KIF13B: variants seen among roughly 807,000 people sequenced by gnomAD.
KIF13B encodes kinesin family member 13B.
In KIF13B, 127 loss-of-function variants were observed where a neutral mutation model predicts 222.0. The ratio of observed to expected loss-of-function variants is 0.57; its 90% CI spans 0.50 to 0.66. The LOEUF (loss-of-function observed/expected upper bound fraction) is 0.66. Among genes scored for constraint, KIF13B ranks in the 30% least tolerant of loss-of-function variants. The pLI is 0.00. For missense variants in KIF13B, 2,173 were observed against 2,379.0 expected (o/e 0.91, Z 1.80); for synonymous variants, 976 against 919.0 (o/e 1.06, Z -1.12).
intron 17 of KIF13B, 115 bp from the exon 18 acceptor site, chr8:29,146,655 G>T: frequency 1.1e-6 from 1 of 911,772 alleles, no homozygotes; most frequent in Non-Finnish European, 1.7e-6. Flanking sequence ...AGCTTTTTCC[G>T]TGGTCGTCTG....
chr8:29,194,564 C>A (rs1181951072), intron 3 of KIF13B, among the ~76,000 whole-genome samples: 1 of 152,174 alleles, frequency 6.6e-6, no homozygotes, highest in Non-Finnish European at 1.5e-5. Flanking sequence ...TATGAAAGTG[C>A]CACAGCCTGG....
At chr8:29,117,398 G>C (rs947352147) in intron 30 of KIF13B, among the ~76,000 whole-genome samples, 1 of 152,130 alleles carries the variant, frequency 6.6e-6, no homozygotes, top group African/African-American at 2.4e-5. Flanking sequence ...CCACTTTCAA[G>C]TAAGTTGAAA....
At chr8:29,163,284 A>G (rs1811859826) in intron 12 of KIF13B, among the ~76,000 whole-genome samples, 1 of 152,204 alleles carries the variant, frequency 6.6e-6, no homozygotes, top group Non-Finnish European at 1.5e-5. Context: ...CAATTAAACA[A>G]TGGTGAAGTA....
Position 29,156,679 on chromosome 8 carries a change from A to AT in KIF13B, c.1405-824dup, listed in dbSNP as rs570502495. Among the ~76,000 whole-genome samples, 128 of 144,910 alleles carry AT rather than the reference A, an allele frequency of 8.8e-4. 1 individual carries two copies. The highest frequency in any genetic ancestry group is 3.8e-3 in the East Asian group (18 of 4,798). Reference sequence around the variant, plus strand: ...AGGCAGGCACCACCTTGACCAACTAATTTTTTTTTTTTTTTTTTTTTTGTA... The same window carrying AT: ...AGGCAGGCACCACCTTGACCAACTAATTTTTTTTTTTTTTTTTTTTTTTGTA... On this transcript the variant is annotated intron_variant, in intron 13 of 39. Transcript: ENST00000524189.
chr8:29,237,607 G>A (rs913241181), intron 2 of KIF13B, among the ~76,000 whole-genome samples: 2 of 152,040 alleles, frequency 1.3e-5, no homozygotes, highest in African/African-American at 4.8e-5. Flanking sequence ...AAAAGCATGA[G>A]CAAAATAATA....
At chr8:29,149,480 CACA>C (rs948161196) in intron 15 of KIF13B, among the ~76,000 whole-genome samples, 2 of 152,168 alleles carry the variant, frequency 1.3e-5, no homozygotes, top group Non-Finnish European at 2.9e-5. Context: ...GCCTTGTCAA[CACA>C]ACATCAATTT....
At chr8:29,194,636 T>A (rs988776554) in intron 3 of KIF13B, among the ~76,000 whole-genome samples, 6 of 152,316 alleles carry the variant, frequency 3.9e-5, no homozygotes, top group Non-Finnish European at 8.8e-5. Flanking sequence ...ATGGTCCTCT[T>A]TAAGGCTTAG....
At chr8:29,084,597 T>C (rs1049658312) in intron 37 of KIF13B, among the ~76,000 whole-genome samples, 1 of 152,204 alleles carries the variant, frequency 6.6e-6, no homozygotes, top group Non-Finnish European at 1.5e-5. Context: ...TGACTGTGCT[T>C]TTGATAGTGG....
At chr8:29,153,672 A>T (rs949054894) in intron 14 of KIF13B, among the ~76,000 whole-genome samples, 3 of 123,414 alleles carry the variant, frequency 2.4e-5, no homozygotes, top group Non-Finnish European at 5.3e-5. Flanking sequence ...AGGCCTCTTA[A>T]CTCCTGCCAA....
At chr8:29,188,394 A>G (rs1392181058) in intron 5 of KIF13B, 121 bp downstream of exon 5, 3 of 590,692 alleles carry the variant, frequency 5.1e-6, no homozygotes, top group Admixed American at 6.5e-5. Flanking sequence ...CAACATCTAC[A>G]GTACTTTCTG....
chr8:29,150,641 G>A (rs1449254257), intron 14 of KIF13B, among the ~76,000 whole-genome samples: 3 of 151,976 alleles, frequency 2.0e-5, no homozygotes, highest in East Asian at 1.9e-4. Context: ...TTTTACAAAC[G>A]CTATCCTATG....
chr8:29,164,851 G>GT (rs754177287), intron 12 of KIF13B, among the ~76,000 whole-genome samples: 412 of 140,164 alleles, frequency 2.9e-3, no homozygotes, highest in African/African-American at 5.1e-3. Flanking sequence ...ACCCTAACGT[G>GT]TTTTTTTTTT....
At chr8:29,156,511 T>C (rs1399582893) in intron 13 of KIF13B, among the ~76,000 whole-genome samples, 1 of 151,858 alleles carries the variant, frequency 6.6e-6, no homozygotes. Context: ...GTCACTTATT[T>C]TTTATTTATT....
intron 2 of KIF13B, among the ~76,000 whole-genome samples, chr8:29,222,966 T>C (rs760899261): frequency 5.3e-5 from 8 of 152,088 alleles, no homozygotes; most frequent in Admixed American, 6.6e-5. Flanking sequence ...ATCTAACAAT[T>C]TGACATATAA....
chr8:29,209,045 T>C (rs1158315737), intron 2 of KIF13B, among the ~76,000 whole-genome samples: 1 of 152,208 alleles, frequency 6.6e-6, no homozygotes, highest in Admixed American at 6.5e-5. Context: ...AGGCTGATCA[T>C]CTAACACCTT....
intron 2 of KIF13B, among the ~76,000 whole-genome samples, chr8:29,224,141 G>A (rs554543373): frequency 4.7e-5 from 7 of 149,108 alleles, no homozygotes; most frequent in South Asian, 2.2e-4. Flanking sequence ...ACAGGCACCC[G>A]CCACCACGCC....
intron 10 of KIF13B, among the ~76,000 whole-genome samples, chr8:29,168,811 G>A (rs771849441): frequency 3.9e-5 from 6 of 152,138 alleles, no homozygotes; most frequent in South Asian, 2.1e-4. Context: ...ACACGCACCC[G>A]GAGTCCTGAC....
intron 2 of KIF13B, among the ~76,000 whole-genome samples, chr8:29,211,514 G>GAGTCT (rs1017649290): frequency 2.1e-4 from 32 of 152,134 alleles, no homozygotes; most frequent in Non-Finnish European, 5.9e-5. Flanking sequence ...GAGGCAGCTA[G>GAGTCT]AGTCTGCTGG....
chr8:29,215,886 G>A (rs1438487549), intron 2 of KIF13B, among the ~76,000 whole-genome samples: 1 of 152,120 alleles, frequency 6.6e-6, no homozygotes, highest in Non-Finnish European at 1.5e-5. Flanking sequence ...AAACTAAATT[G>A]CACACACATA....
Sources: allele counts gnomAD v4.1 joint callset (sites outside exome capture counted in the v4.1 genomes callset), GRCh38; gene constraint gnomAD v4.1.1; transcripts MANE v1.5; gene names NCBI Gene and HGNC (gene_info 2026-07-23, HGNC 2026-07-21).